Variants in UHRF1 observed in about 807,000 individuals in gnomAD.
UHRF1 encodes E3 ubiquitin-protein ligase UHRF1.
Under a neutral mutation model 96.5 loss-of-function variants are expected in UHRF1, and 9 were observed. The observed-to-expected ratio is 0.09, with a 90% CI of 0.06 to 0.16. The LOEUF (loss-of-function observed/expected upper bound fraction) is 0.16. Ranked by LOEUF, UHRF1 falls within the 10% of genes least tolerant of loss-of-function variation. The probability of loss-of-function intolerance (pLI) is 1.00; values close to 1 mark genes in which losing one functional copy is unlikely to be tolerated. For missense variants in UHRF1, 626 were observed against 1,131.1 expected (o/e 0.55, Z 6.40); for synonymous variants, 455 against 469.9 (o/e 0.97, Z 0.41).
chr19:4,934,965 A>G (rs948369474), intron 5 of UHRF1, among the ~76,000 whole-genome samples: 1 of 144,318 alleles, frequency 6.9e-6, no homozygotes, highest in Admixed American at 7.5e-5. Flanking sequence ...CTGATTTTTA[A>G]ATGCTGGTGA....
At chr19:4,957,364 A>G (rs2145223263) in intron 16 of UHRF1, among the ~76,000 whole-genome samples, 2 of 123,956 alleles carry the variant, frequency 1.6e-5, no homozygotes, top group African/African-American at 6.3e-5. Flanking sequence ...GCTGGAGTGC[A>G]GTGGCGCAGT....
intron 5 of UHRF1, among the ~76,000 whole-genome samples, chr19:4,936,588 A>G (rs984917147): frequency 1.3e-5 from 2 of 152,252 alleles, no homozygotes; most frequent in East Asian, 3.9e-4. Flanking sequence ...TGGGGGGTCA[A>G]TTCATTCATC....
At chr19:4,929,810 A>ATT (rs5826867) in intron 3 of UHRF1, among the ~76,000 whole-genome samples, 2 of 147,540 alleles carry the variant, frequency 1.4e-5, no homozygotes, top group African/African-American at 5.0e-5. Context: ...TTATTTTTTT[A>ATT]TTTTTTTTTT....
chr19:4,906,516 A>C (rs967697240), upstream of UHRF1, among the ~76,000 whole-genome samples: 3 of 152,114 alleles, frequency 2.0e-5, no homozygotes, highest in Non-Finnish European at 4.4e-5. Flanking sequence ...CACTTTGGGA[A>C]GTCCAGGCGG....
In UHRF1 at chr19:4,954,946, G is replaced by T. The variant is rs935369073; in HGVS notation, c.2130+124G>T. On this transcript the variant is annotated intron_variant, in intron 15 of 16. Coordinates refer to ENST00000650932, the MANE Select transcript of UHRF1 (RefSeq NM_001048201.3). This position sits in a 1 kb window ranked among gnomAD's most constrained non-coding sequence, Gnocchi z 5.9. ...CAGTCGCACTGAGTACATTCTTGTG[G>T]TTGTGCAACCATCACCACCATCACC... 9 of 1,261,224 alleles carry T rather than the reference G, an allele frequency of 7.1e-6. No individual in the cohort carries two copies. The highest frequency in any genetic ancestry group is 8.9e-6 in the Non-Finnish European group (8 of 901,588). 78.1% of individuals were successfully genotyped at this position (1,261,224 alleles called of 1,614,324 possible).
intron 2 of UHRF1, among the ~76,000 whole-genome samples, chr19:4,913,386 T>C (rs1188472222): frequency 6.6e-6 from 1 of 151,600 alleles, no homozygotes; most frequent in Non-Finnish European, 1.5e-5. Flanking sequence ...CCCAAGTAGC[T>C]GGGATTACAG....
rs192441628 is a variant in UHRF1, at chr19:4,927,998, C to T, written c.154-1224C>T. Among the ~76,000 whole-genome samples, 40 of 152,288 alleles carry T rather than the reference C, an allele frequency of 2.6e-4. No individual in the cohort carries two copies. The East Asian group carries it at 3.5e-3, about 13-fold the overall frequency. ...CCCACTCAGTGTGTGGATTTTAATG[C>T]GTGCAGCCTCCTGGGACCTCAGTAG... On this transcript the variant is annotated intron_variant, in intron 2 of 16. Coordinates refer to ENST00000650932, the MANE Select transcript of UHRF1 (RefSeq NM_001048201.3).
At position 4,941,630 on chromosome 19, in the gene UHRF1, T is replaced by C; in HGVS notation, c.886+2T>C. On this transcript the variant is annotated splice_donor_variant, in intron 6 of 16. Coordinates refer to ENST00000650932, the MANE Select transcript of UHRF1 (RefSeq NM_001048201.3). LOFTEE classifies it high-confidence loss of function. The stretch of plus-strand genomic sequence containing the variant: ...CCATGGTTGACAACCCCATGAGACG[T>C]GAGTTCTGAGCCAGCCTTTCCCCAT... 6.2e-7 allele frequency: 1 copy of C among 1,612,444 alleles called. No individual in the cohort carries two copies. The highest frequency in any genetic ancestry group is 8.5e-7 in the Non-Finnish European group (1 of 1,179,226).
rs762958724 is a variant in UHRF1, at chr19:4,932,897, G to A, written c.726G>A (p.Glu242=). 3 of 1,613,816 alleles carry A rather than the reference G, an allele frequency of 1.9e-6. No individual in the cohort carries two copies. The Admixed American group carries it at 5.0e-5, about 27-fold the overall frequency. Residue 242 remains glutamate, a synonymous_variant, in exon 5 of 17, where the codon GAG becomes GAA. Coordinates refer to ENST00000650932, the MANE Select transcript of UHRF1 (RefSeq NM_001048201.3). ...PKERGFWYDA[E]ISRKRETRTA... ...AGCGGGGCTTCTGGTACGACGCGGA[G>A]ATCTCCAGGAAGCGCGAGACCAGGA...
intron 1 of UHRF1, among the ~76,000 whole-genome samples, chr19:4,903,894 G>C (rs1030829621): frequency 2.6e-5 from 4 of 152,200 alleles, no homozygotes; most frequent in African/African-American, 7.2e-5. Context: ...CTGAAATCTG[G>C]TGCGCACTGA....
chr19:4,905,597 A>G (rs1471407078), upstream of UHRF1, among the ~76,000 whole-genome samples: 1 of 151,452 alleles, frequency 6.6e-6, no homozygotes, highest in African/African-American at 2.4e-5. Flanking sequence ...GGCTCACTGT[A>G]ACCTCCGCCT....
At chr19:4,944,583 G>GT in intron 9 of UHRF1, 133 bp downstream of exon 9, 1 of 958,808 alleles carries the variant, frequency 1.0e-6, no homozygotes, top group Non-Finnish European at 1.6e-6. Context: ...GAGGAGGGGT[G>GT]TGGAAAGCCT....
At chr19:4,940,102 C>G (rs1330146225) in intron 5 of UHRF1, among the ~76,000 whole-genome samples, 1 of 151,098 alleles carries the variant, frequency 6.6e-6, no homozygotes, top group Non-Finnish European at 1.5e-5. Flanking sequence ...ATAACTTTTT[C>G]ATATTCATTC....
intron 2 of UHRF1, among the ~76,000 whole-genome samples, chr19:4,927,390 A>G (rs1036177626): frequency 3.3e-5 from 5 of 151,782 alleles, no homozygotes; most frequent in Non-Finnish European, 5.9e-5. Flanking sequence ...CAAAAAAAAA[A>G]AAAAAAAAAA....
chr19:4,931,330 C>T (rs1403596912), intron 4 of UHRF1, among the ~76,000 whole-genome samples: 4 of 152,350 alleles, frequency 2.6e-5, no homozygotes, highest in East Asian at 1.9e-4. Flanking sequence ...GGCTTAAACA[C>T]GGACATTGGT....
At position 4,932,915 on chromosome 19, in the gene UHRF1, G is replaced by A. The variant is rs758918769; in HGVS notation, c.744G>A (p.Glu248=). 1.2e-6 allele frequency: 2 copies of A among 1,613,626 alleles called. No individual in the cohort carries two copies. Among genetic ancestry groups the A allele is most frequent in the East Asian group, 2.2e-5 (1 of 44,874 alleles). ...WYDAEISRKR[E]TRTARELYAN... ...ACGCGGAGATCTCCAGGAAGCGCGA[G>A]ACCAGGACGGCGCGGGAACTCTACG... The change falls in exon 5 of 17, where the codon GAG becomes GAA. Residue 248 remains glutamate (E), a synonymous_variant. Transcript: ENST00000650932.
intron 10 of UHRF1, 28 bp downstream of exon 10, chr19:4,945,993 G>T: frequency 2.2e-6 from 2 of 897,254 alleles, no homozygotes; most frequent in Admixed American, 2.1e-5. Context: ...AGGGGTGGGG[G>T]AGGGTTGCTC....
At chr19:4,905,498 T>G (rs2032048629), upstream of UHRF1, among the ~76,000 whole-genome samples, 1 of 151,330 alleles carries the variant, frequency 6.6e-6, no homozygotes, top group Non-Finnish European at 1.5e-5. Context: ...TTAGTGTTAG[T>G]GTATTTTATT....
intron 2 of UHRF1, among the ~76,000 whole-genome samples, chr19:4,921,690 G>A (rs886459696): frequency 3.3e-5 from 5 of 152,144 alleles, no homozygotes; most frequent in Non-Finnish European, 7.3e-5. Flanking sequence ...CCAGGAGGTC[G>A]AGGTTGCAGT....
Sources: gnomAD v4.1 joint callset for allele counts (sites outside exome capture counted in the v4.1 genomes callset) on GRCh38, gnomAD v4.1.1 for gene constraint, Gnocchi (gnomAD v3.1) non-coding constraint, MANE v1.5 for transcripts, NCBI Gene and HGNC (gene_info 2026-07-23, HGNC 2026-07-21) for gene names.